CCDC7: variants seen among roughly 807,000 people sequenced by gnomAD.
CCDC7 encodes coiled-coil domain containing 7, also known as coiled-coil domain-containing protein 7.
A neutral mutation model predicts 196.9 loss-of-function variants in CCDC7; 183 were observed. The ratio of observed to expected loss-of-function variants is 0.93; its 90% confidence interval spans 0.82 to 1.05. CCDC7 has a LOEUF of 1.05. CCDC7 is among the 50% of genes least tolerant of loss of function. The pLI is 0.00. For synonymous variants in CCDC7, 525 were observed against 484.6 expected (o/e 1.08, Z -1.10); for missense variants, 1,540 against 1,482.2 (o/e 1.04, Z -0.64).
intron 24 of CCDC7, among the ~76,000 whole-genome samples, chr10:32,708,466 C>T (rs2080202343): frequency 6.6e-6 from 1 of 152,166 alleles, no homozygotes; most frequent in African/African-American, 2.4e-5. Context: ...CCAAAATAGA[C>T]AAATGGGATC....
rs188119525 is a variant in CCDC7, at chr10:32,608,825, G to A, written c.1801+24521G>A. Among the ~76,000 whole-genome samples the A allele has an allele frequency of 2.0e-5, 3 of 152,322 alleles. No individual in the cohort carries two copies. The East Asian group carries it at 5.8e-4, about 29-fold the overall frequency. ...CAAAGTGCTGGGATTACTGGCATGA[G>A]CCACCATGCCTGTCATGCCTTGATT... On this transcript the variant is annotated intron_variant, in intron 18 of 41. Transcript: ENST00000639629.
At chr10:32,878,645 G>A (rs1049218912), downstream of CCDC7, among the ~76,000 whole-genome samples, 3 of 151,900 alleles carry the variant, frequency 2.0e-5, no homozygotes, top group South Asian at 6.3e-4. Flanking sequence ...CAGATTATGA[G>A]GTAGTCAGAT....
chr10:32,527,184 G>A (rs562867783), intron 11 of CCDC7, among the ~76,000 whole-genome samples: 3 of 152,256 alleles, frequency 2.0e-5, no homozygotes, highest in African/African-American at 7.2e-5. Flanking sequence ...TCTCTGCTGT[G>A]ACAGGGCAGC....
chr10:32,623,587 C>CGTA (rs1564858684), intron 18 of CCDC7: 11 of 376,798 alleles, frequency 2.9e-5, no homozygotes. Flanking sequence ...CCCTTAGTTG[C>CGTA]CTTACCTCAA....
Position 32,531,131 on chromosome 10 carries a change from C to CT in CCDC7, c.994-12160dup, listed in dbSNP as rs201725353. ...TCTTACTTGATTATGGTGATTGATT[C>CT]TTTTTTTTTGAGACAGAGTCTCATT... On this transcript the variant is annotated intron_variant, in intron 11 of 41. Coordinates refer to ENST00000639629, the Ensembl canonical transcript of CCDC7. 1.6e-3 allele frequency among the ~76,000 whole-genome samples: 242 copies of CT among 151,088 alleles called. 4 individuals are homozygous for CT. The East Asian group carries it at 0.032, about 20-fold the overall frequency.
chr10:32,802,586 G>A (rs1472002243), intron 29 of CCDC7, among the ~76,000 whole-genome samples: 1 of 152,174 alleles, frequency 6.6e-6, no homozygotes, highest in Admixed American at 6.5e-5. Flanking sequence ...ATAGACAAAA[G>A]GGAGTTTATT....
intron 33 of CCDC7, among the ~76,000 whole-genome samples, chr10:32,838,935 G>A (rs1022111340): frequency 6.6e-6 from 1 of 151,928 alleles, no homozygotes; most frequent in African/African-American, 2.4e-5. Flanking sequence ...AGCAAATGCT[G>A]ACATAATTTG....
At chr10:32,460,767 G>A (rs530082591) in intron 3 of CCDC7, among the ~76,000 whole-genome samples, 15 of 152,220 alleles carry the variant, frequency 9.9e-5, no homozygotes, top group African/African-American at 3.4e-4. Context: ...TCAGACTTTA[G>A]CATGCAAAGC....
At chr10:32,786,351 A>G (rs909872289) in intron 29 of CCDC7, among the ~76,000 whole-genome samples, 2 of 152,252 alleles carry the variant, frequency 1.3e-5, no homozygotes, top group African/African-American at 4.8e-5. Context: ...AATAGAAAAA[A>G]ATTACAGGGC....
At chr10:32,758,004 A>C (rs769708489) in intron 28 of CCDC7, among the ~76,000 whole-genome samples, 6 of 152,246 alleles carry the variant, frequency 3.9e-5, no homozygotes, top group Non-Finnish European at 8.8e-5. Context: ...ATCTAGAAGA[A>C]ATGAATAAAT....
intron 18 of CCDC7, among the ~76,000 whole-genome samples, chr10:32,610,527 G>A (rs1368386446): frequency 4.6e-5 from 7 of 151,998 alleles, no homozygotes; most frequent in Non-Finnish European, 8.8e-5. Flanking sequence ...ACCCATCAAC[G>A]CGTCATCTAC....
At chr10:32,571,475 T>C (rs933380906) in intron 15 of CCDC7, among the ~76,000 whole-genome samples, 1 of 152,214 alleles carries the variant, frequency 6.6e-6, no homozygotes, top group African/African-American at 2.4e-5. Context: ...TAGATAATTA[T>C]GTAATAGATA....
At chr10:32,672,790 T>C (rs1046639331) in intron 21 of CCDC7, among the ~76,000 whole-genome samples, 1 of 152,168 alleles carries the variant, frequency 6.6e-6, no homozygotes, top group South Asian at 2.1e-4. Flanking sequence ...TACTTGGACA[T>C]TGTGCTCCAC....
At chr10:32,592,220 G>A (rs1391482810) in intron 18 of CCDC7, among the ~76,000 whole-genome samples, 1 of 151,710 alleles carries the variant, frequency 6.6e-6, no homozygotes, top group African/African-American at 2.4e-5. Context: ...TCTCATTTTA[G>A]TTGAGTCTTC....
intron 41 of CCDC7, among the ~76,000 whole-genome samples, chr10:32,874,795 CAT>C (rs959128184): frequency 1.3e-5 from 2 of 150,678 alleles, no homozygotes; most frequent in Non-Finnish European, 3.0e-5. Context: ...TATATACACA[CAT>C]ATATATACTC....
chr10:32,446,245 G>C (rs1430205125), exon 1 of CCDC7: 2 of 152,198 alleles, frequency 1.3e-5, no homozygotes, highest in South Asian at 4.1e-4. Flanking sequence ...GTTTGTAAAA[G>C]GGAGGTGCTG....
intron 20 of CCDC7, among the ~76,000 whole-genome samples, chr10:32,648,688 A>C (rs886610876): frequency 2.6e-5 from 4 of 152,254 alleles, no homozygotes; most frequent in Non-Finnish European, 5.9e-5. Flanking sequence ...ATTCTTTGAC[A>C]TTTTAATAAT....
chr10:32,444,850 G>GTTTTTTTTTTTTTTTTTTTT (rs59116319), upstream of CCDC7, among the ~76,000 whole-genome samples: 3 of 140,272 alleles, frequency 2.1e-5, no homozygotes, highest in Non-Finnish European at 3.1e-5. Context: ...ATGCCTTCAT[G>GTTTTTTTTTTTTTTTTTTTT]TTTTTTTTTT....
upstream of CCDC7, among the ~76,000 whole-genome samples, chr10:32,450,486 AGAGCTTCAG>A (rs2133321693): frequency 6.6e-6 from 1 of 152,318 alleles, no homozygotes; most frequent in South Asian, 2.1e-4. Context: ...CAAAGTGTAG[AGAGCTTCAG>A]ATAACAGAGT....
Sources: gnomAD v4.1 joint callset for allele counts (sites outside exome capture counted in the v4.1 genomes callset) on GRCh38, gnomAD v4.1.1 for gene constraint, MANE v1.5 for transcripts, NCBI Gene and HGNC (gene_info 2026-07-23, HGNC 2026-07-21) for gene names.